Variants in SUN3 observed in about 807,000 individuals in gnomAD.
The protein encoded by SUN3 is SUN domain-containing protein 3.
In SUN3, 36 loss-of-function variants were observed where a neutral mutation model predicts 48.2. That is an observed-to-expected ratio of 0.75 (90% CI 0.57 to 0.99). The LOEUF (loss-of-function observed/expected upper bound fraction) is 0.99. Ranked by LOEUF, SUN3 falls within the 50% of genes least tolerant of loss-of-function variation. The probability of loss-of-function intolerance (pLI) is 0.00; values close to 1 mark genes in which losing one functional copy is unlikely to be tolerated. For missense variants in SUN3, 419 were observed against 433.1 expected (o/e 0.97, Z 0.29); for synonymous variants, 148 against 147.9 (o/e 1.00, Z 0.00).
chr7:48,019,004 T>C (rs1156396138), intron 2 of SUN3, among the ~76,000 whole-genome samples: 2 of 152,058 alleles, frequency 1.3e-5, no homozygotes, highest in Admixed American at 1.3e-4. Context: ...AAACCAAATA[T>C]AAACTCTGAA....
chr7:48,002,536 T>G (rs116164154), intron 6 of SUN3, among the ~76,000 whole-genome samples: 3,989 of 151,992 alleles, frequency 0.026, 178 homozygotes, highest in African/African-American at 0.091. Context: ...GTCTTCTTTT[T>G]AAGTGTCTGT....
At chr7:48,007,453 G>T in intron 4 of SUN3, 126 bp from the exon 5 acceptor site, 1 of 824,830 alleles carries the variant, frequency 1.2e-6, no homozygotes, top group East Asian at 2.7e-5. Context: ...TCTTGAGTGA[G>T]GGAAGAGCAG....
At chr7:48,009,110 T>C (rs1181961628) in intron 3 of SUN3, 35 bp from the exon 4 acceptor site, 2 of 1,590,426 alleles carry the variant, frequency 1.3e-6, no homozygotes, top group African/African-American at 2.7e-5. Context: ...TCATTCTGAA[T>C]TCTGCTTATT....
At chr7:47,991,731 A>T (rs1289288552) in intron 8 of SUN3, among the ~76,000 whole-genome samples, 2 of 152,156 alleles carry the variant, frequency 1.3e-5, no homozygotes, top group African/African-American at 4.8e-5. Flanking sequence ...GCAGCGCAGG[A>T]CTTAAGCGGC....
intron 3 of SUN3, among the ~76,000 whole-genome samples, chr7:48,009,840 G>A (rs1032785012): frequency 2.0e-5 from 3 of 152,096 alleles, no homozygotes; most frequent in Non-Finnish European, 4.4e-5. Context: ...GCAGTACCGG[G>A]CTACTGTGCT....
chr7:48,014,980 A>G (rs972779451), intron 3 of SUN3, among the ~76,000 whole-genome samples: 1 of 152,194 alleles, frequency 6.6e-6, no homozygotes, highest in African/African-American at 2.4e-5. Context: ...TGTAGAGGGT[A>G]GTCTTCTGTA....
At chr7:48,001,843 T>C (rs1789386665) in intron 6 of SUN3, among the ~76,000 whole-genome samples, 1 of 152,100 alleles carries the variant, frequency 6.6e-6, no homozygotes, top group South Asian at 2.1e-4. Flanking sequence ...GCCAGTTCCA[T>C]GTCTTTTCTA....
At chr7:48,000,956 C>T (rs1470524377) in intron 6 of SUN3, among the ~76,000 whole-genome samples, 3 of 151,654 alleles carry the variant, frequency 2.0e-5, no homozygotes, top group African/African-American at 7.3e-5. Context: ...TCTGAGACTA[C>T]AAGGATAAGA....
intron 6 of SUN3, among the ~76,000 whole-genome samples, chr7:48,005,100 T>C (rs1267175726): frequency 1.3e-5 from 2 of 152,198 alleles, no homozygotes. Flanking sequence ...AAGTTGTAAA[T>C]ACATCAATTG....
chr7:47,989,103 C>G, intron 8 of SUN3: 3 of 379,716 alleles, frequency 7.9e-6, no homozygotes, highest in Non-Finnish European at 1.4e-5. Flanking sequence ...GATGGACACA[C>G]AGACAGATAG....
At chr7:48,028,156 T>A (rs920098014) in intron 1 of SUN3, among the ~76,000 whole-genome samples, 3 of 152,134 alleles carry the variant, frequency 2.0e-5, no homozygotes, top group Non-Finnish European at 4.4e-5. Context: ...TTTATTTTTA[T>A]TGACAGTTTT....
chr7:48,004,268 A>G (rs1210072182), intron 6 of SUN3, among the ~76,000 whole-genome samples: 1 of 152,100 alleles, frequency 6.6e-6, no homozygotes, highest in Non-Finnish European at 1.5e-5. Flanking sequence ...AGTAATTGTG[A>G]TTTGTACCCT....
At chr7:47,997,416 G>A (rs187425286) in intron 6 of SUN3, among the ~76,000 whole-genome samples, 1 of 151,682 alleles carries the variant, frequency 6.6e-6, no homozygotes, top group Admixed American at 6.6e-5. Context: ...CCAACTGGCT[G>A]GACAGAATCT....
chr7:47,987,677 G>A (rs1399206276), intron 9 of SUN3, among the ~76,000 whole-genome samples: 2 of 151,914 alleles, frequency 1.3e-5, no homozygotes, highest in African/African-American at 4.8e-5. Flanking sequence ...GGAACTACAG[G>A]CACACGCCAC....
chr7:48,035,538 A>T, the SUN3 span: 1 of 697,864 alleles, frequency 1.4e-6, no homozygotes, highest in Non-Finnish European at 2.6e-6. The surrounding 1 kb of genome is among the most constrained non-coding windows in gnomAD (Gnocchi z 4.0). Context: ...GCGCGCTGGG[A>T]GTTTGGGTTT....
At chr7:47,990,456 T>G (rs546504753) in intron 8 of SUN3, among the ~76,000 whole-genome samples, 1 of 152,076 alleles carries the variant, frequency 6.6e-6, no homozygotes, top group East Asian at 1.9e-4. Context: ...CCCATAATGA[T>G]CAATAAATAC....
At chr7:48,014,540 ATT>A (rs968480478) in intron 3 of SUN3, among the ~76,000 whole-genome samples, 3 of 152,160 alleles carry the variant, frequency 2.0e-5, no homozygotes, top group Admixed American at 2.0e-4. Flanking sequence ...ACACCTGGAT[ATT>A]GTCACAGGTG....
intron 8 of SUN3, among the ~76,000 whole-genome samples, chr7:47,990,524 C>T (rs1202702674): frequency 2.0e-5 from 3 of 151,364 alleles, no homozygotes; most frequent in Non-Finnish European, 4.4e-5. Context: ...GCGCTGGTCC[C>T]CTGGGCCCAC....
rs770500301 is a variant in SUN3 at position 48,025,931 on chromosome 7, G to A, written c.130C>T (p.Arg44Ter). Reference protein sequence around the residue: ...DENPDANGVTRSWKIILSTML... With the variant: ...DENPDANGVT The stretch of plus-strand genomic sequence containing the variant: ...GTACTTAGAATAATCTTCCATGATC[G>A]AGTTACCCTAAAAGAATAAAAACAA... The change falls in exon 2 of 10, where the codon CGA becomes TGA. Residue 44 changes from arginine (R) to a stop codon, truncating the protein, a stop_gained. Transcript: ENST00000297325. LOFTEE classifies it high-confidence loss of function. The A allele has an allele frequency of 1.1e-5, 17 of 1,595,610 alleles. No homozygotes were observed. Among genetic ancestry groups the A allele is most frequent in the Admixed American group, 3.4e-5 (2 of 58,786 alleles).
Sources: allele counts gnomAD v4.1 joint callset (sites outside exome capture counted in the v4.1 genomes callset), GRCh38; gene constraint gnomAD v4.1.1; non-coding constraint Gnocchi (gnomAD v3.1); transcripts MANE v1.5; gene names NCBI Gene and HGNC (gene_info 2026-07-23, HGNC 2026-07-21).